CSGALNACT1: variants seen among roughly 807,000 people sequenced by gnomAD.
The protein encoded by CSGALNACT1 is beta4GalNAcT-1.
Under a neutral mutation model 51.0 loss-of-function variants are expected in CSGALNACT1, and 52 were observed. That is an observed-to-expected ratio of 1.02 (90% CI 0.82 to 1.29). The LOEUF (loss-of-function observed/expected upper bound fraction) is 1.29. CSGALNACT1 is among the 50% of genes most tolerant of loss of function. The pLI, the probability that CSGALNACT1 is intolerant of heterozygous loss-of-function variation, is 0.00. For synonymous variants in CSGALNACT1, 341 were observed against 254.4 expected (o/e 1.34, Z -3.24); for missense variants, 935 against 679.2 (o/e 1.38, Z -4.19).
In CSGALNACT1 at chr8:19,433,016, A is replaced by G. The variant is rs62496168; in HGVS notation, c.953+6814T>C. 2.2e-3 allele frequency among the ~76,000 whole-genome samples: 342 copies of G among 152,248 alleles called. 1 individual carries two copies. Among genetic ancestry groups the G allele is most frequent in the Non-Finnish European group, 3.7e-3 (249 of 68,014 alleles). On this transcript the variant is annotated intron_variant, in intron 6 of 9. Transcript: ENST00000454498. ...ACATGCCTCATAATTTTTGCTAAAA[A>G]TTGAACATTTAAAAAAATGTATTAT... is the stretch of plus-strand genomic sequence containing the variant.
At chr8:19,687,387 G>C (rs2154212781), upstream of CSGALNACT1, among the ~76,000 whole-genome samples, 1 of 152,200 alleles carries the variant, frequency 6.6e-6, no homozygotes, top group African/African-American at 2.4e-5. Context: ...AAAGAGTATA[G>C]CTGCTCCAAA....
chr8:19,533,527 T>G (rs1390554328), intron 3 of CSGALNACT1, among the ~76,000 whole-genome samples: 1 of 152,216 alleles, frequency 6.6e-6, no homozygotes, highest in Non-Finnish European at 1.5e-5. Flanking sequence ...GAAGATTTTC[T>G]TCGCTAGTGT....
chr8:19,534,176 G>T (rs1296497165), intron 3 of CSGALNACT1, among the ~76,000 whole-genome samples: 1 of 152,218 alleles, frequency 6.6e-6, no homozygotes, highest in Non-Finnish European at 1.5e-5. Flanking sequence ...ATGAGGCCGG[G>T]TGTGGTGGTT....
At chr8:19,411,669 G>A (rs968557054) in intron 8 of CSGALNACT1, among the ~76,000 whole-genome samples, 1 of 152,192 alleles carries the variant, frequency 6.6e-6, no homozygotes, top group Non-Finnish European at 1.5e-5. Context: ...TGCTGCAAGT[G>A]TGAGAAGCTC....
At chr8:19,469,225 A>T (rs955958120) in intron 4 of CSGALNACT1, among the ~76,000 whole-genome samples, 5 of 152,122 alleles carry the variant, frequency 3.3e-5, no homozygotes, top group Non-Finnish European at 5.9e-5. Flanking sequence ...CCTTGTCTCT[A>T]GAAAAAAATG....
At chr8:19,674,893 T>C (rs777130606) in intron 1 of CSGALNACT1, among the ~76,000 whole-genome samples, 1 of 152,138 alleles carries the variant, frequency 6.6e-6, no homozygotes, top group Non-Finnish European at 1.5e-5. Flanking sequence ...AGAGGGGTCA[T>C]GGATGAATCC....
intron 5 of CSGALNACT1, among the ~76,000 whole-genome samples, chr8:19,443,040 T>C (rs2061572111): frequency 6.6e-6 from 1 of 152,168 alleles, no homozygotes; most frequent in Non-Finnish European, 1.5e-5. Flanking sequence ...GAGCACCTCA[T>C]GCTCCAGCTT....
intron 1 of CSGALNACT1, among the ~76,000 whole-genome samples, chr8:19,629,205 C>T (rs187773559): frequency 1.3e-5 from 2 of 152,166 alleles, no homozygotes; most frequent in African/African-American, 4.8e-5. Context: ...CGAAAAAAAC[C>T]GTTTAGTTTG....
intron 8 of CSGALNACT1, among the ~76,000 whole-genome samples, chr8:19,414,848 T>C (rs750594523): frequency 6.6e-6 from 1 of 152,232 alleles, no homozygotes; most frequent in Non-Finnish European, 1.5e-5. Flanking sequence ...ATCAAGGATG[T>C]AGTAATTAAT....
intron 1 of CSGALNACT1, among the ~76,000 whole-genome samples, chr8:19,720,466 G>A (rs1835185764): frequency 6.6e-6 from 1 of 152,052 alleles, no homozygotes; most frequent in African/African-American, 2.4e-5. Flanking sequence ...ATTTAAATTG[G>A]GCCACTTCAC....
At chr8:19,517,487 G>C (rs991352607) in intron 3 of CSGALNACT1, among the ~76,000 whole-genome samples, 1 of 152,152 alleles carries the variant, frequency 6.6e-6, no homozygotes, top group African/African-American at 2.4e-5. Flanking sequence ...AAGGGTTAAA[G>C]TGATCACTGT....
intron 1 of CSGALNACT1, among the ~76,000 whole-genome samples, chr8:19,637,717 G>A (rs150611543): frequency 2.7e-4 from 41 of 152,276 alleles, no homozygotes; most frequent in African/African-American, 9.6e-4. Context: ...AAATAACCAG[G>A]AATCAGTTTG....
At chr8:19,620,077 C>A (rs1564277022) in intron 1 of CSGALNACT1, among the ~76,000 whole-genome samples, 1 of 152,070 alleles carries the variant, frequency 6.6e-6, no homozygotes. Context: ...CTTTGGAAGG[C>A]CAAGGCAGGC....
intron 3 of CSGALNACT1, among the ~76,000 whole-genome samples, chr8:19,534,584 G>C (rs2083394375): frequency 1.3e-5 from 2 of 152,124 alleles, no homozygotes; most frequent in African/African-American, 4.8e-5. Context: ...TGACCCTGCA[G>C]GTACCATTCA....
chr8:19,425,823 T>C (rs979205640), intron 6 of CSGALNACT1, among the ~76,000 whole-genome samples: 3 of 152,136 alleles, frequency 2.0e-5, no homozygotes, highest in Admixed American at 1.3e-4. Context: ...TTCTCACTGT[T>C]CTCTTCCCTC....
chr8:19,409,591 CTTAG>C (rs781130598), intron 8 of CSGALNACT1, among the ~76,000 whole-genome samples: 4 of 152,022 alleles, frequency 2.6e-5, no homozygotes, highest in African/African-American at 4.8e-5. Context: ...GTTTTGAGAT[CTTAG>C]TTATTTTTCA....
chr8:19,408,634 G>T, exon 9 of CSGALNACT1: 2 of 1,613,908 alleles, frequency 1.2e-6, no homozygotes, highest in Non-Finnish European at 1.7e-6. Flanking sequence ...AAGTCTGACC[G>T]ATACTGACAC....
chr8:19,532,556 C>A (rs2082976233), intron 3 of CSGALNACT1, among the ~76,000 whole-genome samples: 1 of 152,192 alleles, frequency 6.6e-6, no homozygotes, highest in African/African-American at 2.4e-5. Flanking sequence ...TTTTACTAAA[C>A]CATGGCTTCA....
intron 1 of CSGALNACT1, among the ~76,000 whole-genome samples, chr8:19,643,814 G>A (rs2056983152): frequency 6.6e-6 from 1 of 152,176 alleles, no homozygotes; most frequent in South Asian, 2.1e-4. Context: ...TTGAGTCCAG[G>A]CTTCCATCTG....
Sources: allele counts gnomAD v4.1 joint callset (sites outside exome capture counted in the v4.1 genomes callset), GRCh38; gene constraint gnomAD v4.1.1; transcripts MANE v1.5; gene names NCBI Gene and HGNC (gene_info 2026-07-23, HGNC 2026-07-21).